PDE8B: variants seen among roughly 807,000 people sequenced by gnomAD.
PDE8B encodes the protein high affinity cAMP-specific and IBMX-insensitive 3',5'-cyclic phosphodiesterase 8B.
In PDE8B, 26 loss-of-function variants were observed where a neutral mutation model predicts 101.3. The observed-to-expected ratio is 0.26, with a 90% CI of 0.19 to 0.36. PDE8B has a LOEUF of 0.36. Ranked by LOEUF, PDE8B falls within the 10% of genes least tolerant of loss-of-function variation. PDE8B has a pLI of 1.00. For synonymous variants in PDE8B, 424 were observed against 429.3 expected, an observed-to-expected ratio of 0.99 and a Z score of 0.15; for missense variants, 810 against 1,163.1, an observed-to-expected ratio of 0.70 and a Z score of 4.42.
At chr5:77,219,672 A>G (rs909350632) in intron 1 of PDE8B, among the ~76,000 whole-genome samples, 4 of 152,182 alleles carry the variant, frequency 2.6e-5, no homozygotes, top group African/African-American at 9.7e-5. Context: ...CTCAGCCACT[A>G]GTGGTCCTGG....
In PDE8B at chr5:77,329,371, G is replaced by A. The variant is rs559304062; in HGVS notation, c.650+314G>A. 4.9e-4 allele frequency among the ~76,000 whole-genome samples: 75 copies of A among 152,278 alleles called. 1 individual carries two copies. In the South Asian group the frequency reaches 0.011, roughly 23 times the overall value. ...GTGGTCTGGAGAAAACATTGTTCCA[G>A]TTTATCTCTTTTTTTTCCTTTGAAG... On this transcript the variant is annotated intron_variant, in intron 4 of 21. Transcript: ENST00000264917.
chr5:77,352,726 T>C (rs1443823849), intron 9 of PDE8B, among the ~76,000 whole-genome samples: 1 of 152,220 alleles, frequency 6.6e-6, no homozygotes, highest in East Asian at 1.9e-4. Flanking sequence ...ATGGTTTTAC[T>C]CTCAGTAAAA....
chr5:77,103,194 A>G, the PDE8B span, among the ~76,000 whole-genome samples: 1 of 152,228 alleles, frequency 6.6e-6, no homozygotes, highest in African/African-American at 2.4e-5. Context: ...ATCTAAAATT[A>G]TTTGACCTTG....
intron 1 of PDE8B, among the ~76,000 whole-genome samples, chr5:77,309,046 G>C (rs1032446589): frequency 6.6e-6 from 1 of 152,030 alleles, no homozygotes; most frequent in Non-Finnish European, 1.5e-5. Context: ...GTAAGTGGTG[G>C]TGGGTGCCTG....
At chr5:77,359,000 C>T (rs1041375520) in intron 10 of PDE8B, among the ~76,000 whole-genome samples, 3 of 152,070 alleles carry the variant, frequency 2.0e-5, no homozygotes, top group East Asian at 1.9e-4. Context: ...TCTGATATTG[C>T]GAAACCACAT....
intron 10 of PDE8B, among the ~76,000 whole-genome samples, chr5:77,392,825 T>C (rs542982430): frequency 6.6e-6 from 1 of 152,148 alleles, no homozygotes; most frequent in Admixed American, 6.5e-5. Flanking sequence ...ATGAGGGAGG[T>C]TCACAGGCTG....
chr5:77,397,046 T>TTTTTTTTTTTTTTTTTTTTTTTTTC (rs1369157203), intron 10 of PDE8B, among the ~76,000 whole-genome samples: 1 of 144,134 alleles, frequency 6.9e-6, no homozygotes, highest in African/African-American at 2.6e-5. Context: ...TTTTTTTTTT[T>TTTTTTTTTTTTTTTTTTTTTTTTTC]TTTTGAGGCA....
At chr5:77,300,835 A>G (rs1769755897) in intron 1 of PDE8B, among the ~76,000 whole-genome samples, 1 of 152,178 alleles carries the variant, frequency 6.6e-6, no homozygotes, top group Admixed American at 6.5e-5. Flanking sequence ...TAGGATGTTA[A>G]TGGTGCTTTT....
chr5:77,372,585 A>T (rs1785254389), intron 10 of PDE8B, among the ~76,000 whole-genome samples: 1 of 152,228 alleles, frequency 6.6e-6, no homozygotes, highest in East Asian at 1.9e-4. Flanking sequence ...TTTCATAAGA[A>T]GATCTTTTTT....
At chr5:77,408,260 C>A (rs947605241) in intron 13 of PDE8B, among the ~76,000 whole-genome samples, 6 of 152,188 alleles carry the variant, frequency 3.9e-5, no homozygotes, top group Non-Finnish European at 7.3e-5. Flanking sequence ...AGGCATGGCC[C>A]TCCCAGGTTT....
chr5:77,315,376 A>C (rs1460952326), intron 2 of PDE8B, among the ~76,000 whole-genome samples: 1 of 152,102 alleles, frequency 6.6e-6, no homozygotes, highest in African/African-American at 2.4e-5. Flanking sequence ...CACCATATTA[A>C]TGTCTGATTG....
At chr5:77,282,020 C>T (rs960589176) in intron 1 of PDE8B, among the ~76,000 whole-genome samples, 1 of 152,056 alleles carries the variant, frequency 6.6e-6, no homozygotes. Context: ...ATATACTATC[C>T]CATTTAACAG....
At chr5:77,175,357 G>T in the PDE8B span, among the ~76,000 whole-genome samples, 1 of 152,216 alleles carries the variant, frequency 6.6e-6, no homozygotes, top group Non-Finnish European at 1.5e-5. Flanking sequence ...GGCCTGGACT[G>T]TTGTCACTTC....
chr5:77,409,608 A>G (rs1210954798), intron 14 of PDE8B, among the ~76,000 whole-genome samples: 2 of 152,094 alleles, frequency 1.3e-5, no homozygotes, highest in African/African-American at 4.8e-5. Flanking sequence ...TCCAAAAAGA[A>G]CCATTTACAC....
intron 1 of PDE8B, among the ~76,000 whole-genome samples, chr5:77,225,217 A>G (rs1159692131): frequency 6.6e-6 from 1 of 152,216 alleles, no homozygotes; most frequent in Non-Finnish European, 1.5e-5. Context: ...AGGCAGGGCA[A>G]ATGCTTGATT....
intron 1 of PDE8B, among the ~76,000 whole-genome samples, chr5:77,269,021 A>G (rs532551944): frequency 1.3e-5 from 2 of 151,738 alleles, no homozygotes; most frequent in East Asian, 1.9e-4. Context: ...TGGTAGCTCT[A>G]TTTTTAGTTT....
chr5:77,127,789 A>G, the PDE8B span, among the ~76,000 whole-genome samples: 1 of 152,146 alleles, frequency 6.6e-6, no homozygotes, highest in East Asian at 1.9e-4. Context: ...GCTCTCCTAG[A>G]GGATGAAAAT....
intron 1 of PDE8B, among the ~76,000 whole-genome samples, chr5:77,247,818 A>G (rs771340236): frequency 2.0e-5 from 3 of 152,032 alleles, no homozygotes; most frequent in Non-Finnish European, 4.4e-5. Context: ...ATAACTATGA[A>G]TCCTTTCTGC....
chr5:77,210,948 A>C lies in PDE8B; in HGVS notation c.23A>C (p.His8Pro). Residue 8 changes from histidine to proline, a missense_variant, in exon 1 of 22, where the codon CAT becomes CCT. Coordinates refer to ENST00000264917, the MANE Select transcript of PDE8B (RefSeq NM_003719.5). The surrounding 1 kb of genome is among the most constrained non-coding windows in gnomAD (Gnocchi z 4.9). MGCAPSI[H>P]VSQSGVIYCR... is the part of the protein sequence containing the mutation. Reference sequence around the variant, plus strand: ...GGGATGGGCTGCGCCCCCAGCATCCATGTCTCGCAGAGCGGCGTGATCTAC... The same window carrying C: ...GGGATGGGCTGCGCCCCCAGCATCCCTGTCTCGCAGAGCGGCGTGATCTAC... 6.6e-7 allele frequency: 1 copy of C among 1,514,322 alleles called. No individual in the cohort carries two copies. Among genetic ancestry groups the C allele is most frequent in the Non-Finnish European group, 8.8e-7 (1 of 1,140,116 alleles). The allele number at this position is 1,514,322 out of a possible 1,614,324, so 93.8% of individuals were successfully genotyped here.
Sources: allele counts gnomAD v4.1 joint callset (sites outside exome capture counted in the v4.1 genomes callset), GRCh38; gene constraint gnomAD v4.1.1; non-coding constraint Gnocchi (gnomAD v3.1); transcripts MANE v1.5; gene names NCBI Gene and HGNC (gene_info 2026-07-23, HGNC 2026-07-21).